Variants in PXDNL observed in about 807,000 individuals in gnomAD.
The protein encoded by PXDNL is probable oxidoreductase PXDNL.
A neutral mutation model predicts 150.8 loss-of-function variants in PXDNL; 145 were observed. The observed-to-expected ratio is 0.96, with a 90% CI of 0.84 to 1.10. The LOEUF is 1.10. PXDNL is among the 50% of genes least tolerant of loss of function. The pLI, the probability that PXDNL is intolerant of heterozygous loss-of-function variation, is 0.00. For synonymous variants in PXDNL, 757 were observed against 725.7 expected, an observed-to-expected ratio of 1.04 and a Z score of -0.69; for missense variants, 2,087 against 1,873.9, an observed-to-expected ratio of 1.11 and a Z score of -2.10.
At chr8:51,484,223 G>A (rs1810673259) in intron 5 of PXDNL, among the ~76,000 whole-genome samples, 1 of 152,030 alleles carries the variant, frequency 6.6e-6, no homozygotes, top group South Asian at 2.1e-4. Context: ...GATGACTTGA[G>A]GCCAGGAGTT....
At chr8:51,724,067 G>A (rs139309231) in intron 1 of PXDNL, among the ~76,000 whole-genome samples, 2 of 150,082 alleles carry the variant, frequency 1.3e-5, no homozygotes, top group Non-Finnish European at 3.0e-5. Flanking sequence ...CTTGGCTATC[G>A]CCGGACCAGG....
intron 19 of PXDNL, among the ~76,000 whole-genome samples, chr8:51,364,322 C>T (rs1806848099): frequency 1.3e-5 from 2 of 152,292 alleles, no homozygotes; most frequent in South Asian, 4.1e-4. Flanking sequence ...CATGACCTCA[C>T]AACTCAGAAG....
chr8:51,408,780 C>T lies in PXDNL; in HGVS notation c.2844G>A (p.Glu948=). Reference sequence around the variant, plus strand: ...CGGCCAGGAAACAGGGGCTCTCCTGCTCCTGTCGCGCGCACTCGGTGGGTG... The same window carrying T: ...CGGCCAGGAAACAGGGGCTCTCCTGTTCCTGTCGCGCGCACTCGGTGGGTG... The part of the protein sequence containing the change: ...TGPPTECARQ[E]QESPCFLAGD... The change falls in exon 17 of 23, where the codon GAG becomes GAA. Residue 948 remains glutamate (E), a synonymous_variant. Coordinates refer to ENST00000356297, the MANE Select transcript of PXDNL (RefSeq NM_144651.5). 1 of 1,579,108 alleles carries T rather than the reference C, an allele frequency of 6.3e-7. No individual in the cohort carries two copies. Among genetic ancestry groups the T allele is most frequent in the African/African-American group, 1.4e-5 (1 of 74,044 alleles).
At chr8:51,625,652 A>T (rs749097047) in intron 2 of PXDNL, among the ~76,000 whole-genome samples, 3 of 152,230 alleles carry the variant, frequency 2.0e-5, no homozygotes, top group Admixed American at 6.5e-5. Context: ...ATAGCACATG[A>T]CTGGAATTGC....
rs563818941 is a variant in PXDNL at position 51,527,497 on chromosome 8, C to T, written c.381-27727G>A. 2.0e-5 allele frequency among the ~76,000 whole-genome samples: 3 copies of T among 152,272 alleles called. No individual in the cohort carries two copies. In the South Asian group the frequency reaches 6.2e-4, roughly 32 times the overall value. On this transcript the variant is annotated intron_variant, in intron 4 of 22. Transcript: ENST00000356297. ...ATTTCATGGTTGCCAAACACTGTTCCAGCTGCTTTATATGAAGTATCCGAT... is the reference window on the plus strand; with the variant it reads ...ATTTCATGGTTGCCAAACACTGTTCTAGCTGCTTTATATGAAGTATCCGAT...
chr8:51,559,492 A>G (rs898492050), intron 3 of PXDNL, among the ~76,000 whole-genome samples: 1 of 152,010 alleles, frequency 6.6e-6, no homozygotes, highest in Non-Finnish European at 1.5e-5. Flanking sequence ...CAGTTCAACG[A>G]AAGAAGAAAA....
chr8:51,721,581 T>C (rs1225840757), intron 1 of PXDNL: 3 of 292,474 alleles, frequency 1.0e-5, no homozygotes, highest in African/African-American at 4.4e-5. Flanking sequence ...CATGTATACA[T>C]ATGTAACAAA....
At chr8:51,709,963 T>C (rs1329006249) in intron 1 of PXDNL, among the ~76,000 whole-genome samples, 1 of 151,928 alleles carries the variant, frequency 6.6e-6, no homozygotes, top group Non-Finnish European at 1.5e-5. Flanking sequence ...GTAGGAGTTT[T>C]GACAACTTTG....
intron 10 of PXDNL, among the ~76,000 whole-genome samples, chr8:51,452,360 T>C (rs576038484): frequency 6.6e-6 from 1 of 152,362 alleles, no homozygotes; most frequent in South Asian, 2.1e-4. Context: ...TTCTGTGCCT[T>C]CTTATTAGAG....
chr8:51,492,815 G>A (rs557470410), intron 5 of PXDNL, among the ~76,000 whole-genome samples: 70 of 152,308 alleles, frequency 4.6e-4, no homozygotes, highest in African/African-American at 1.4e-3. Context: ...CCACCGCAGC[G>A]TAAGGAGGCC....
At chr8:51,449,337 A>G (rs1224237921) in intron 10 of PXDNL, among the ~76,000 whole-genome samples, 1 of 152,266 alleles carries the variant, frequency 6.6e-6, no homozygotes, top group Non-Finnish European at 1.5e-5. Flanking sequence ...GCAAAACAGC[A>G]GTAGCCAACA....
intron 9 of PXDNL, among the ~76,000 whole-genome samples, chr8:51,454,516 A>C (rs998642685): frequency 2.0e-5 from 3 of 152,206 alleles, no homozygotes; most frequent in Non-Finnish European, 4.4e-5. Flanking sequence ...TAAATAGAAA[A>C]TTTAGACTTT....
chr8:51,646,649 G>C (rs1477908049), intron 2 of PXDNL, among the ~76,000 whole-genome samples: 3 of 152,184 alleles, frequency 2.0e-5, no homozygotes, highest in Non-Finnish European at 4.4e-5. Context: ...GATAGAATGA[G>C]AAATGACAAC....
chr8:51,580,855 G>A (rs1376485780), intron 3 of PXDNL, among the ~76,000 whole-genome samples: 1 of 152,138 alleles, frequency 6.6e-6, no homozygotes, highest in Admixed American at 6.5e-5. Context: ...GTTACATAAA[G>A]GATGTGAGCT....
chr8:51,465,242 T>A (rs7015076), intron 8 of PXDNL, among the ~76,000 whole-genome samples: 31,250 of 152,042 alleles, frequency 0.21, 4,327 homozygotes, highest in African/African-American at 0.39. Flanking sequence ...TACAAAGTTG[T>A]TTCAACATAT....
intron 1 of PXDNL, among the ~76,000 whole-genome samples, chr8:51,667,891 G>T (rs1415418699): frequency 2.6e-5 from 4 of 152,140 alleles, no homozygotes; most frequent in Non-Finnish European, 5.9e-5. Flanking sequence ...GGTCAGAAAT[G>T]AGTTTTCACA....
chr8:51,424,315 A>G (rs568338422), intron 13 of PXDNL, among the ~76,000 whole-genome samples: 1 of 152,300 alleles, frequency 6.6e-6, no homozygotes, highest in East Asian at 1.9e-4. Context: ...TCTGTAATGA[A>G]CTATGATCAT....
At chr8:51,408,044 C>T (rs746718172) in intron 17 of PXDNL, 23 bp downstream of exon 17, 21 of 1,567,632 alleles carry the variant, frequency 1.3e-5, no homozygotes, top group Non-Finnish European at 1.6e-5. Context: ...ATGTTTAAAT[C>T]CAGGCAGCAT....
At chr8:51,710,555 A>G (rs1417337212) in intron 1 of PXDNL, among the ~76,000 whole-genome samples, 6 of 152,148 alleles carry the variant, frequency 3.9e-5, no homozygotes, top group Non-Finnish European at 8.8e-5. Context: ...TATTTCTCCT[A>G]ATGAAAACTT....
Sources: gnomAD v4.1 joint callset for allele counts (sites outside exome capture counted in the v4.1 genomes callset) on GRCh38, gnomAD v4.1.1 for gene constraint, MANE v1.5 for transcripts, NCBI Gene and HGNC (gene_info 2026-07-23, HGNC 2026-07-21) for gene names.